FMN1: variants seen among roughly 807,000 people sequenced by gnomAD.
The protein encoded by FMN1 is formin-1.
Under a neutral mutation model 132.4 loss-of-function variants are expected in FMN1, and 110 were observed. The ratio of observed to expected loss-of-function variants is 0.83; its 90% CI spans 0.71 to 0.97. FMN1 has a LOEUF of 0.97. FMN1 is among the 50% of genes least tolerant of loss of function. The pLI is 0.00. For missense variants in FMN1, 1,792 were observed against 1,705.3 expected (o/e 1.05, Z -0.90); for synonymous variants, 722 against 651.7 (o/e 1.11, Z -1.64).
At chr15:33,076,805 T>C (rs753894385) in intron 5 of FMN1, among the ~76,000 whole-genome samples, 2 of 152,054 alleles carry the variant, frequency 1.3e-5, no homozygotes, top group Admixed American at 6.6e-5. Context: ...CTACTAAACA[T>C]AGGAAGGGAG....
intron 5 of FMN1, among the ~76,000 whole-genome samples, chr15:33,087,169 A>C (rs1461805248): frequency 1.3e-5 from 2 of 152,232 alleles, no homozygotes; most frequent in Admixed American, 6.5e-5. Context: ...AGGCCATCTA[A>C]ATGTGGAAGT....
At chr15:32,919,741 T>G (rs559090453) in intron 10 of FMN1, among the ~76,000 whole-genome samples, 176 of 152,330 alleles carry the variant, frequency 1.2e-3, no homozygotes, top group African/African-American at 4.1e-3. Context: ...AGACTGAGAT[T>G]GTTCCTCAGG....
Position 32,766,233 on chromosome 15 carries a change from C to G in FMN1, c.*8077G>C, listed in dbSNP as rs2056041141. 2.0e-5 allele frequency: 3 copies of G among 152,300 alleles called. No individual in the cohort carries two copies. Among genetic ancestry groups the G allele is most frequent in the African/African-American group, 7.2e-5 (3 of 41,568 alleles). 9.4% of individuals were successfully genotyped at this position (152,300 alleles called of 1,614,324 possible). A position where few individuals can be genotyped will look rare whatever the true frequency, so the allele number is the denominator to read the frequency against. Reference sequence around the variant, plus strand: ...AGTGCTTTCAAGAGTGTAGCAGTTACTGTTCATCTGAAAATAACCAAGAAG... The same window carrying G: ...AGTGCTTTCAAGAGTGTAGCAGTTAGTGTTCATCTGAAAATAACCAAGAAG... On this transcript the variant is annotated 3_prime_UTR_variant, in exon 21 of 21. Transcript: ENST00000616417.
At chr15:33,012,185 G>T (rs1047359012) in intron 6 of FMN1, 1 of 578,452 alleles carries the variant, frequency 1.7e-6, no homozygotes, top group Non-Finnish European at 3.2e-6. Context: ...AGAGGGTTGG[G>T]CTTTGAAACC....
intron 9 of FMN1, among the ~76,000 whole-genome samples, chr15:32,961,297 C>T (rs958638503): frequency 2.6e-5 from 4 of 151,758 alleles, no homozygotes; most frequent in South Asian, 2.1e-4. Context: ...CCACACCTGG[C>T]TAATATTTGT....
At chr15:33,113,344 T>C (rs1429503890) in intron 4 of FMN1, among the ~76,000 whole-genome samples, 2 of 152,232 alleles carry the variant, frequency 1.3e-5, no homozygotes, top group African/African-American at 4.8e-5. Flanking sequence ...ATTTGAATTA[T>C]CTATTGTTTT....
chr15:32,972,982 C>T (rs895212434), intron 7 of FMN1, among the ~76,000 whole-genome samples: 1 of 152,178 alleles, frequency 6.6e-6, no homozygotes, highest in Non-Finnish European at 1.5e-5. Flanking sequence ...TTCTTGCTCT[C>T]TCTCATCCTC....
chr15:33,157,655 G>A (rs1964726940), intron 3 of FMN1, among the ~76,000 whole-genome samples: 2 of 151,874 alleles, frequency 1.3e-5, no homozygotes, highest in Admixed American at 1.3e-4. Context: ...TGTTAACTTG[G>A]TGTTACATAA....
At chr15:33,068,146 T>C (rs1030725495) in intron 5 of FMN1, 2 of 634,740 alleles carry the variant, frequency 3.2e-6, no homozygotes, top group Non-Finnish European at 4.7e-6. Context: ...CGCACCTTAC[T>C]ACACACGGAC....
chr15:33,081,176 C>T (rs945270359), intron 5 of FMN1, among the ~76,000 whole-genome samples: 2 of 152,272 alleles, frequency 1.3e-5, no homozygotes, highest in South Asian at 2.1e-4. Flanking sequence ...GAGCCTGGAC[C>T]GTTTTCTCCA....
At chr15:32,959,102 A>G (rs1596346042) in intron 9 of FMN1, among the ~76,000 whole-genome samples, 1 of 151,814 alleles carries the variant, frequency 6.6e-6, no homozygotes, top group East Asian at 1.9e-4. Flanking sequence ...CTGAAGCCCT[A>G]TAGCCAAGAT....
chr15:32,889,094 A>AGG (rs2059964515), intron 15 of FMN1, among the ~76,000 whole-genome samples: 1 of 152,080 alleles, frequency 6.6e-6, no homozygotes, highest in Non-Finnish European at 1.5e-5. Context: ...GGCTCAAGCG[A>AGG]TCCTCCAGCC....
At chr15:32,881,990 CAG>C (rs1302908307) in intron 16 of FMN1, among the ~76,000 whole-genome samples, 1 of 152,140 alleles carries the variant, frequency 6.6e-6, no homozygotes, top group Non-Finnish European at 1.5e-5. Context: ...AGGAATAAAA[CAG>C]AGGCTAGGTC....
At chr15:33,157,027 G>A (rs778798114) in intron 3 of FMN1, among the ~76,000 whole-genome samples, 1 of 152,104 alleles carries the variant, frequency 6.6e-6, no homozygotes, top group Admixed American at 6.5e-5. Context: ...CAGCACTTTG[G>A]GAGGCCGAGG....
chr15:32,819,475 T>C (rs2058150391), intron 17 of FMN1, among the ~76,000 whole-genome samples: 1 of 152,200 alleles, frequency 6.6e-6, no homozygotes, highest in Admixed American at 6.5e-5. Flanking sequence ...CATATGGTGG[T>C]TGGCGCCATG....
chr15:32,860,785 C>G (rs979753192), intron 16 of FMN1: 14 of 147,470 alleles, frequency 9.5e-5, no homozygotes, highest in Non-Finnish European at 2.1e-4. Context: ...TGTCTCTGTA[C>G]TCCTCAAACA....
At chr15:32,866,874 G>A (rs112186452) in intron 16 of FMN1, among the ~76,000 whole-genome samples, 17 of 152,190 alleles carry the variant, frequency 1.1e-4, no homozygotes, top group African/African-American at 3.9e-4. Flanking sequence ...CCCCATTGTG[G>A]GCTTTCCTCC....
intron 6 of FMN1, among the ~76,000 whole-genome samples, chr15:33,032,857 T>C (rs758705116): frequency 2.0e-5 from 3 of 152,186 alleles, no homozygotes; most frequent in Admixed American, 6.5e-5. Context: ...GTTATTTTAC[T>C]ACTGTGTCTT....
In FMN1 at chr15:33,050,829, C is replaced by T. The variant is rs7174864; in HGVS notation, c.2161+14128G>A. Among the ~76,000 whole-genome samples the T allele has an allele frequency of 4.7e-3, 715 of 152,266 alleles. 8 individuals are homozygous for T. The highest frequency in any genetic ancestry group is 0.017 in the African/African-American group (687 of 41,556). Reference sequence around the variant, plus strand: ...CAATCAAAAGGTTCATTACTACAGGCATAGGTCTATAAATTACTACTGTAT... The same window carrying T: ...CAATCAAAAGGTTCATTACTACAGGTATAGGTCTATAAATTACTACTGTAT... On this transcript the variant is annotated intron_variant, in intron 6 of 20. Transcript: ENST00000616417.
Sources: allele counts gnomAD v4.1 joint callset (sites outside exome capture counted in the v4.1 genomes callset), GRCh38; gene constraint gnomAD v4.1.1; transcripts MANE v1.5; gene names NCBI Gene and HGNC (gene_info 2026-07-23, HGNC 2026-07-21).